SPSB1: variants seen among roughly 807,000 people sequenced by gnomAD.
The protein encoded by SPSB1 is splA/ryanodine receptor domain and SOCS box containing 1, also known as SPRY domain-containing SOCS box protein 1.
In SPSB1, 8 loss-of-function variants were observed where a neutral mutation model predicts 21.2. The ratio of observed to expected loss-of-function variants is 0.38; its 90% CI spans 0.22 to 0.68. SPSB1 has a LOEUF of 0.68. SPSB1 is among the 30% of genes least tolerant of loss of function. The pLI is 0.53. For synonymous variants in SPSB1, 169 were observed against 161.7 expected (o/e 1.05, Z -0.34); for missense variants, 242 against 377.8 (o/e 0.64, Z 2.98).
chr1:9,320,987 G>T (rs889195460), intron 1 of SPSB1, among the ~76,000 whole-genome samples: 1 of 152,096 alleles, frequency 6.6e-6, no homozygotes, highest in Admixed American at 6.6e-5. Flanking sequence ...CGAGTCCCTG[G>T]CTGCCACTCT....
intron 1 of SPSB1, among the ~76,000 whole-genome samples, chr1:9,322,532 G>A (rs997622558): frequency 3.9e-5 from 6 of 152,202 alleles, no homozygotes; most frequent in African/African-American, 1.4e-4. Flanking sequence ...GTTAATTGAG[G>A]AGGGATGGCA....
intron 1 of SPSB1, among the ~76,000 whole-genome samples, chr1:9,329,221 G>A (rs548755959): frequency 1.3e-5 from 2 of 152,258 alleles, no homozygotes; most frequent in African/African-American, 2.4e-5. Flanking sequence ...GAGCACAGCC[G>A]GTTGAGGGTT....
rs896212128 is a variant in SPSB1, at chr1:9,305,248, C to T, written c.-150+12177C>T. ...TCCTACCGGCTGGCCCATACCCTCT[C>T]GCTTCACTTTCCAAAACCGGATCCC... On this transcript the variant is annotated intron_variant, in intron 1 of 2. Coordinates refer to ENST00000328089, the MANE Select transcript of SPSB1 (RefSeq NM_025106.4). The surrounding 1 kb of genome is among the most constrained non-coding windows in gnomAD (Gnocchi z 4.8). Among the ~76,000 whole-genome samples, 4 of 152,218 alleles carry T rather than the reference C, an allele frequency of 2.6e-5. No homozygotes were observed. Among genetic ancestry groups the T allele is most frequent in the Admixed American group, 6.5e-5 (1 of 15,282 alleles).
In SPSB1 at chr1:9,305,457, G is replaced by A. The variant is rs1022453502; in HGVS notation, c.-150+12386G>A. Among the ~76,000 whole-genome samples the A allele has an allele frequency of 1.4e-4, 22 of 152,326 alleles. No homozygotes were observed. The highest frequency in any genetic ancestry group is 1.0e-3 in the South Asian group (5 of 4,832). On this transcript the variant is annotated intron_variant, in intron 1 of 2. Coordinates refer to ENST00000328089, the MANE Select transcript of SPSB1 (RefSeq NM_025106.4). The surrounding 1 kb of genome is among the most constrained non-coding windows in gnomAD (Gnocchi z 4.8). ...GGCCGGCCACATGGCTGTTGTTCACGGCTGAGTCCCCAGTAGTTAGGTCCA... is the reference window on the plus strand; with the variant it reads ...GGCCGGCCACATGGCTGTTGTTCACAGCTGAGTCCCCAGTAGTTAGGTCCA...
At chr1:9,351,001 T>C (rs619282) in intron 1 of SPSB1, among the ~76,000 whole-genome samples, 124,061 of 152,204 alleles carry the variant, frequency 0.82, 51,215 homozygotes, top group African/African-American at 0.95. Flanking sequence ...GAATGTTACT[T>C]GGTACCTGTG....
In SPSB1 at chr1:9,367,623, C is replaced by T. The variant is rs773056435; in HGVS notation, c.*48C>T. 3 of 1,528,570 alleles carry T rather than the reference C, an allele frequency of 2.0e-6. No individual in the cohort carries two copies. In the African/African-American group the frequency reaches 4.3e-5, roughly 22 times the overall value. The allele number at this position is 1,528,570 out of a possible 1,614,324, so 94.7% of individuals were successfully genotyped here. A position where few individuals can be genotyped will look rare whatever the true frequency, so the allele number is the denominator to read the frequency against. ...GCGACAGCCACCTGGTGCCAACTCA[C>T]TGAGCCGCCTGCCGCTGGGGCCGCC... On this transcript the variant is annotated 3_prime_UTR_variant, in exon 3 of 3. Coordinates refer to ENST00000328089, the MANE Select transcript of SPSB1 (RefSeq NM_025106.4). This position sits in a 1 kb window ranked among gnomAD's most constrained non-coding sequence, Gnocchi z 5.9.
chr1:9,299,542 C>T (rs1159696166), intron 1 of SPSB1, among the ~76,000 whole-genome samples: 1 of 152,076 alleles, frequency 6.6e-6, no homozygotes, highest in African/African-American at 2.4e-5. Context: ...TGCAATGGTG[C>T]AATCTCGGCT....
At chr1:9,359,563 G>A (rs1360338544) in intron 2 of SPSB1, among the ~76,000 whole-genome samples, 2 of 152,012 alleles carry the variant, frequency 1.3e-5, no homozygotes, top group Admixed American at 6.6e-5. Context: ...TTAGCCGGGC[G>A]TGGTGGCATG....
At chr1:9,301,948 C>T (rs951785987) in intron 1 of SPSB1, among the ~76,000 whole-genome samples, 3 of 152,202 alleles carry the variant, frequency 2.0e-5, no homozygotes, top group African/African-American at 7.2e-5. Flanking sequence ...TCCCTGCACA[C>T]AGTGCTTCTG....
At chr1:9,365,535 T>C (rs1225238401) in intron 2 of SPSB1, among the ~76,000 whole-genome samples, 2 of 151,604 alleles carry the variant, frequency 1.3e-5, no homozygotes, top group African/African-American at 2.4e-5. Flanking sequence ...AATTCACCCA[T>C]TAAAGTATCC....
chr1:9,352,220 G>A (rs536175225), intron 1 of SPSB1, among the ~76,000 whole-genome samples: 75 of 152,296 alleles, frequency 4.9e-4, no homozygotes, highest in African/African-American at 1.7e-3. Flanking sequence ...TTGTGGAGCC[G>A]ACCTGGACAG....
intron 1 of SPSB1, among the ~76,000 whole-genome samples, chr1:9,300,077 T>C (rs1488307763): frequency 6.6e-6 from 1 of 151,924 alleles, no homozygotes; most frequent in Non-Finnish European, 1.5e-5. Context: ...TGGTAGGACA[T>C]TTACATGTCA....
chr1:9,311,566 C>G (rs1639520469), intron 1 of SPSB1, among the ~76,000 whole-genome samples: 1 of 152,172 alleles, frequency 6.6e-6, no homozygotes, highest in South Asian at 2.1e-4. Context: ...GGAAAAGGAT[C>G]AGACTTGAAC....
At position 9,355,915 on chromosome 1, in the gene SPSB1, G is replaced by A; in HGVS notation, c.24G>A (p.Gly8=). ...ACATGGGTCAGAAGGTCACTGGAGG[G>A]ATCAAGACTGTGGACATGAGGGACC... MGQKVTG[G]IKTVDMRDPT... Residue 8 remains glycine, a synonymous_variant, in exon 2 of 3, where the codon GGG becomes GGA. Transcript: ENST00000328089. The A allele has an allele frequency of 6.3e-7, 1 of 1,596,334 alleles. No individual in the cohort carries two copies. Among genetic ancestry groups the A allele is most frequent in the East Asian group, 2.2e-5 (1 of 44,610 alleles).
chr1:9,352,490 G>A (rs944272592), intron 1 of SPSB1, among the ~76,000 whole-genome samples: 5 of 152,176 alleles, frequency 3.3e-5, no homozygotes, highest in African/African-American at 9.7e-5. Flanking sequence ...TCCCGTCTGT[G>A]GCTGCTTTTG....
chr1:9,344,298 A>G (rs1031144024), intron 1 of SPSB1, among the ~76,000 whole-genome samples: 8 of 152,158 alleles, frequency 5.3e-5, no homozygotes, highest in Admixed American at 5.2e-4. Flanking sequence ...AGGAATTTGC[A>G]TCTCTGAGTT....
In SPSB1 at chr1:9,318,712, C is replaced by T. The variant is rs142353647; in HGVS notation, c.-150+25641C>T. On this transcript the variant is annotated intron_variant, in intron 1 of 2. Coordinates refer to ENST00000328089, the MANE Select transcript of SPSB1 (RefSeq NM_025106.4). ...CCATTCAGAGGGTTGTTCTTCTGTC[C>T]ATTCAGCAATTCGGGCAGCTCACTC... Among the ~76,000 whole-genome samples, 6 of 152,340 alleles carry T rather than the reference C, an allele frequency of 3.9e-5. No homozygotes were observed. In the East Asian group the frequency reaches 1.2e-3, roughly 29 times the overall value.
intron 1 of SPSB1, among the ~76,000 whole-genome samples, chr1:9,308,152 C>T (rs946322094): frequency 3.3e-5 from 5 of 152,230 alleles, no homozygotes; most frequent in African/African-American, 1.2e-4. Flanking sequence ...CAAGACATGT[C>T]AGGCCCAAAG....
At chr1:9,361,787 T>A (rs116349672) in intron 2 of SPSB1, among the ~76,000 whole-genome samples, 1 of 152,196 alleles carries the variant, frequency 6.6e-6, no homozygotes, top group Non-Finnish European at 1.5e-5. Context: ...AGATGGCCAT[T>A]GCTGAGTGGG....
Sources: gnomAD v4.1 joint callset for allele counts (sites outside exome capture counted in the v4.1 genomes callset) on GRCh38, gnomAD v4.1.1 for gene constraint, Gnocchi (gnomAD v3.1) non-coding constraint, MANE v1.5 for transcripts, NCBI Gene and HGNC (gene_info 2026-07-23, HGNC 2026-07-21) for gene names.